Variants in STPG2 observed in about 807,000 individuals in gnomAD.
STPG2 encodes the protein sperm-tail PG-rich repeat-containing protein 2.
STPG2 carries 56 observed loss-of-function variants against 54.2 expected under a neutral mutation model. The observed-to-expected ratio is 1.03, with a 90% CI of 0.83 to 1.29. The LOEUF is 1.29. Among genes scored for constraint, STPG2 ranks in the 50% most tolerant of loss-of-function variants. The probability of loss-of-function intolerance (pLI) is 0.00; values close to 1 mark genes in which losing one functional copy is unlikely to be tolerated. For synonymous variants in STPG2, 200 were observed against 181.8 expected, an observed-to-expected ratio of 1.10 and a Z score of -0.81; for missense variants, 596 against 544.9, an observed-to-expected ratio of 1.09 and a Z score of -0.93.
At chr4:97,909,010 TATA>T (rs56703020) in intron 8 of STPG2, among the ~76,000 whole-genome samples, 9,529 of 143,122 alleles carry the variant, frequency 0.067, 335 homozygotes, top group Middle Eastern at 0.11. Flanking sequence ...AAACTTAAAG[TATA>T]ATAATAATAA....
At chr4:97,499,574 C>G (rs1328537412) in intron 4 of STPG2, among the ~76,000 whole-genome samples, 1 of 151,786 alleles carries the variant, frequency 6.6e-6, no homozygotes, top group Non-Finnish European at 1.5e-5. Context: ...ATTCAATATT[C>G]TTATAGGATA....
intron 5 of STPG2, among the ~76,000 whole-genome samples, chr4:98,066,428 CA>C (rs1737837945): frequency 6.6e-6 from 1 of 151,810 alleles, no homozygotes; most frequent in South Asian, 2.1e-4. Flanking sequence ...ATCTCTAATA[CA>C]AATACAAAAA....
chr4:97,683,741 C>A (rs1446640137), intron 10 of STPG2, among the ~76,000 whole-genome samples: 1 of 151,492 alleles, frequency 6.6e-6, no homozygotes, highest in African/African-American at 2.4e-5. Context: ...CACTAGTATT[C>A]TATATAATAG....
intron 4 of STPG2, among the ~76,000 whole-genome samples, chr4:97,457,964 G>T (rs913697267): frequency 6.6e-6 from 1 of 152,166 alleles, no homozygotes; most frequent in Non-Finnish European, 1.5e-5. Flanking sequence ...AAAGTGATAT[G>T]GATGACAGCA....
At chr4:97,990,509 C>T (rs1327008591) in intron 5 of STPG2, among the ~76,000 whole-genome samples, 1 of 152,130 alleles carries the variant, frequency 6.6e-6, no homozygotes, top group Admixed American at 6.5e-5. Context: ...CTATTAAATA[C>T]ATAGCCCCCC....
chr4:97,539,528 C>T (rs543546083), intron 4 of STPG2, among the ~76,000 whole-genome samples: 2 of 152,272 alleles, frequency 1.3e-5, no homozygotes, highest in South Asian at 2.1e-4. Context: ...TACAGGAGCA[C>T]CCAGATTCAT....
At chr4:97,993,100 G>C (rs1183732615) in intron 5 of STPG2, among the ~76,000 whole-genome samples, 1 of 152,054 alleles carries the variant, frequency 6.6e-6, no homozygotes, top group African/African-American at 2.4e-5. Flanking sequence ...GATTGCTCTG[G>C]CTAGGATTTC....
At chr4:98,096,643 G>C (rs1257977316) in intron 5 of STPG2, among the ~76,000 whole-genome samples, 2 of 151,938 alleles carry the variant, frequency 1.3e-5, no homozygotes, top group Non-Finnish European at 2.9e-5. Flanking sequence ...AAATGAATTT[G>C]AAATGAAGAA....
At chr4:97,535,499 T>C (rs1002215988) in intron 4 of STPG2, among the ~76,000 whole-genome samples, 5 of 152,212 alleles carry the variant, frequency 3.3e-5, no homozygotes, top group African/African-American at 1.2e-4. Flanking sequence ...ATTTCCATTT[T>C]TGAAGGGTAT....
intron 5 of STPG2, among the ~76,000 whole-genome samples, chr4:98,004,970 TAAAA>T (rs70953102): frequency 7.0e-6 from 1 of 142,452 alleles, no homozygotes; most frequent in Non-Finnish European, 1.5e-5. Context: ...TCTTTGCTGT[TAAAA>T]AAAAAAAAAG....
intron 9 of STPG2, among the ~76,000 whole-genome samples, chr4:97,744,297 G>A (rs530136264): frequency 7.9e-4 from 119 of 151,140 alleles, no homozygotes; most frequent in Non-Finnish European, 1.5e-3. Flanking sequence ...AATAAGCTGT[G>A]ATGAAAATAA....
At chr4:97,532,630 C>T (rs993642137) in intron 4 of STPG2, among the ~76,000 whole-genome samples, 6 of 151,996 alleles carry the variant, frequency 3.9e-5, no homozygotes, top group Non-Finnish European at 7.4e-5. Context: ...GTATTCATGG[C>T]GGTTCAGGAG....
chr4:98,020,889 T>C (rs13142028), intron 5 of STPG2, among the ~76,000 whole-genome samples: 59,595 of 151,564 alleles, frequency 0.39, 11,940 homozygotes, highest in Middle Eastern at 0.46. Flanking sequence ...TTTTATTGCG[T>C]CTATTTGATT....
intron 4 of STPG2, among the ~76,000 whole-genome samples, chr4:97,510,865 G>A (rs1438709823): frequency 6.6e-6 from 1 of 152,136 alleles, no homozygotes; most frequent in East Asian, 1.9e-4. Context: ...TTACTCAGGA[G>A]GCTGGGGCGG....
chr4:97,824,009 T>C (rs1728175742), intron 9 of STPG2, among the ~76,000 whole-genome samples: 1 of 152,184 alleles, frequency 6.6e-6, no homozygotes, highest in Non-Finnish European at 1.5e-5. Flanking sequence ...CACTATGGGA[T>C]ATTAATTGCT....
chr4:97,934,060 T>C (rs1732654471), intron 8 of STPG2, among the ~76,000 whole-genome samples: 1 of 152,218 alleles, frequency 6.6e-6, no homozygotes, highest in Non-Finnish European at 1.5e-5. Context: ...TTTGTAGTTC[T>C]CCTAAAGAGG....
intron 10 of STPG2, among the ~76,000 whole-genome samples, chr4:97,658,883 T>C (rs989057887): frequency 1.3e-5 from 2 of 152,184 alleles, no homozygotes; most frequent in African/African-American, 4.8e-5. Flanking sequence ...TAAATGCATA[T>C]GCTATAGAAA....
intron 4 of STPG2, among the ~76,000 whole-genome samples, chr4:97,495,526 G>A (rs1324022060): frequency 6.6e-6 from 1 of 151,040 alleles, no homozygotes; most frequent in Non-Finnish European, 1.5e-5. Flanking sequence ...GCAATATAAG[G>A]GAGTAATATA....
At chr4:97,868,829 C>T (rs1359109769) in intron 8 of STPG2, among the ~76,000 whole-genome samples, 1 of 151,836 alleles carries the variant, frequency 6.6e-6, no homozygotes, top group East Asian at 1.9e-4. Context: ...TTTTTAATTG[C>T]CTTTTTTGTT....
Sources: gnomAD v4.1 joint callset for allele counts (sites outside exome capture counted in the v4.1 genomes callset) on GRCh38, gnomAD v4.1.1 for gene constraint, MANE v1.5 for transcripts, NCBI Gene and HGNC (gene_info 2026-07-23, HGNC 2026-07-21) for gene names.